TXNDC8: variants seen among roughly 807,000 people sequenced by gnomAD.
TXNDC8 encodes the protein thioredoxin domain-containing protein 8.
Under a neutral mutation model 12.9 loss-of-function variants are expected in TXNDC8, and 15 were observed. The ratio of observed to expected loss-of-function variants is 1.16; its 90% CI spans 0.78 to 1.79. The LOEUF (loss-of-function observed/expected upper bound fraction) is 1.79, where lower values mean the gene tolerates loss of function less well. Ranked by LOEUF, TXNDC8 falls within the 40% of genes most tolerant of loss-of-function variation. The probability of loss-of-function intolerance (pLI) is 0.00; values close to 1 mark genes in which losing one functional copy is unlikely to be tolerated. For missense variants in TXNDC8, 128 were observed against 113.2 expected, an observed-to-expected ratio of 1.13 and a Z score of -0.59; for synonymous variants, 40 against 35.4, an observed-to-expected ratio of 1.13 and a Z score of -0.46.
At chr9:110,336,304 G>A (rs1839758221) in intron 1 of TXNDC8, among the ~76,000 whole-genome samples, 1 of 152,214 alleles carries the variant, frequency 6.6e-6, no homozygotes, top group Admixed American at 6.5e-5. Context: ...TCAGGTGAAA[G>A]TGATGACTCA....
rs376206176 is a variant in TXNDC8 at position 110,318,654 on chromosome 9, C to T, written c.195+7521G>A. On this transcript the variant is annotated intron_variant, in intron 3 of 4. Transcript: ENST00000423740. ...TTGGGAGGCTGAGGCAGGAGAATGGCGTGAAGCCGGGAGGCGGAGCTTGCA... is the reference window on the plus strand; with the variant it reads ...TTGGGAGGCTGAGGCAGGAGAATGGTGTGAAGCCGGGAGGCGGAGCTTGCA... Among the ~76,000 whole-genome samples the T allele has an allele frequency of 1.8e-4, 27 of 152,008 alleles. 1 individual carries two copies. In the East Asian group the frequency reaches 2.9e-3, roughly 16 times the overall value.
chr9:110,309,495 C>G (rs1838582182), intron 3 of TXNDC8, among the ~76,000 whole-genome samples: 1 of 152,110 alleles, frequency 6.6e-6, no homozygotes, highest in Non-Finnish European at 1.5e-5. Context: ...ACCACCATGC[C>G]TGGCTATTTT....
chr9:110,336,647 C>T (rs1408429382), intron 1 of TXNDC8, among the ~76,000 whole-genome samples: 1 of 152,084 alleles, frequency 6.6e-6, no homozygotes, highest in Non-Finnish European at 1.5e-5. Flanking sequence ...CAAAACAAAA[C>T]AAAACAAAAA....
intron 4 of TXNDC8, 77 bp downstream of exon 5, chr9:110,304,390 C>T: frequency 7.4e-7 from 1 of 1,345,466 alleles, no homozygotes; most frequent in African/African-American, 1.5e-5. Context: ...CAGCATTCTG[C>T]CTGAGTGTGT....
At chr9:110,303,936 A>C (rs1838330786) in intron 4 of TXNDC8, among the ~76,000 whole-genome samples, 1 of 152,172 alleles carries the variant, frequency 6.6e-6, no homozygotes, top group Non-Finnish European at 1.5e-5. Context: ...CAATTAATAT[A>C]CACAATCTTC....
chr9:110,326,490 G>A (rs1228108096), intron 2 of TXNDC8, among the ~76,000 whole-genome samples: 2 of 152,210 alleles, frequency 1.3e-5, no homozygotes, highest in African/African-American at 4.8e-5. Context: ...CAGGAGGTGG[G>A]TAAGAGATGG....
intron 2 of TXNDC8, among the ~76,000 whole-genome samples, chr9:110,329,758 T>C (rs889582562): frequency 1.3e-5 from 2 of 152,178 alleles, no homozygotes; most frequent in Non-Finnish European, 1.5e-5. Context: ...GCTGTTCTGC[T>C]TGAAGCGATG....
intron 1 of TXNDC8, among the ~76,000 whole-genome samples, chr9:110,335,985 G>A (rs1839739609): frequency 6.6e-6 from 1 of 152,098 alleles, no homozygotes; most frequent in Admixed American, 6.5e-5. Flanking sequence ...TATGGGGGTG[G>A]GTTTTTCCCA....
intron 3 of TXNDC8, among the ~76,000 whole-genome samples, chr9:110,325,048 G>T (rs1839251523): frequency 6.6e-6 from 1 of 152,102 alleles, no homozygotes. Context: ...GGAGGCGGAG[G>T]TTGCAGTGAG....
At chr9:110,331,291 C>T (rs1331668510) in intron 2 of TXNDC8, among the ~76,000 whole-genome samples, 1 of 152,168 alleles carries the variant, frequency 6.6e-6, no homozygotes, top group African/African-American at 2.4e-5. Flanking sequence ...GTCCAGAGGC[C>T]ATGGTGGCTG....
At chr9:110,320,011 C>A (rs886669182) in intron 3 of TXNDC8, among the ~76,000 whole-genome samples, 1 of 152,196 alleles carries the variant, frequency 6.6e-6, no homozygotes, top group African/African-American at 2.4e-5. Flanking sequence ...TGTTTAGTAG[C>A]ATCTATGTAC....
chr9:110,317,444 T>C (rs552726522), intron 3 of TXNDC8, among the ~76,000 whole-genome samples: 11 of 152,344 alleles, frequency 7.2e-5, no homozygotes, highest in Non-Finnish European at 1.0e-4. Flanking sequence ...CTTTTGGGGA[T>C]GCTCTGCTCA....
downstream of TXNDC8, among the ~76,000 whole-genome samples, chr9:110,301,236 G>C (rs7853268): frequency 0.03 from 4,609 of 152,236 alleles, 204 homozygotes; most frequent in Admixed American, 0.11. Context: ...AACCACTTCA[G>C]ACCAGGCAGT....
chr9:110,314,620 G>T (rs1838815294), intron 3 of TXNDC8, among the ~76,000 whole-genome samples: 1 of 151,852 alleles, frequency 6.6e-6, no homozygotes, highest in Non-Finnish European at 1.5e-5. Flanking sequence ...TTTTAGTAGA[G>T]ACGGGGTTTC....
chr9:110,304,378 A>T (rs1838344589), intron 4 of TXNDC8, 89 bp downstream of exon 5: 1 of 1,195,578 alleles, frequency 8.4e-7, no homozygotes. Flanking sequence ...TTCTCCAGGC[A>T]GCAGCATTCT....
At chr9:110,328,077 A>G (rs747641203) in intron 2 of TXNDC8, among the ~76,000 whole-genome samples, 33 of 152,334 alleles carry the variant, frequency 2.2e-4, no homozygotes, top group South Asian at 1.0e-3. Context: ...ATCTCATTTT[A>G]TCTTCGGTTA....
At chr9:110,308,669 T>TC (rs1838549212) in intron 3 of TXNDC8, among the ~76,000 whole-genome samples, 1 of 151,742 alleles carries the variant, frequency 6.6e-6, no homozygotes, top group South Asian at 2.1e-4. Flanking sequence ...CTTCCTGTCT[T>TC]TAAAAAAAAA....
intron 3 of TXNDC8, among the ~76,000 whole-genome samples, chr9:110,305,976 T>G (rs1237847579): frequency 1.3e-5 from 2 of 151,906 alleles, no homozygotes; most frequent in African/African-American, 4.8e-5. Flanking sequence ...CTGCAATCTC[T>G]GCCTCCCGGC....
chr9:110,314,743 C>T (rs1838823762), intron 3 of TXNDC8, among the ~76,000 whole-genome samples: 1 of 152,078 alleles, frequency 6.6e-6, no homozygotes, highest in Non-Finnish European at 1.5e-5. Flanking sequence ...GCAAATTAAA[C>T]TTTCTAAATT....
Sources: gnomAD v4.1 joint callset for allele counts (sites outside exome capture counted in the v4.1 genomes callset) on GRCh38, gnomAD v4.1.1 for gene constraint, MANE v1.5 for transcripts, NCBI Gene and HGNC (gene_info 2026-07-23, HGNC 2026-07-21) for gene names.